Variants in ARHGAP19 observed in about 807,000 individuals in gnomAD.
The protein encoded by ARHGAP19 is Rho GTPase activating protein 19, also known as rho GTPase-activating protein 19.
A neutral mutation model predicts 60.9 loss-of-function variants in ARHGAP19; 48 were observed. The ratio of observed to expected loss-of-function variants is 0.79; its 90% CI spans 0.62 to 1.00. The LOEUF is 1.00. Ranked by LOEUF, ARHGAP19 falls within the 50% of genes least tolerant of loss-of-function variation. The probability of loss-of-function intolerance (pLI) is 0.00; values close to 1 mark genes in which losing one functional copy is unlikely to be tolerated. For synonymous variants in ARHGAP19, 209 were observed against 215.5 expected, an observed-to-expected ratio of 0.97 and a Z score of 0.27; for missense variants, 562 against 597.2, an observed-to-expected ratio of 0.94 and a Z score of 0.61.
chr10:97,256,602 G>A (rs747263137), intron 5 of ARHGAP19, 198 bp from the exon 6 acceptor site: 13 of 431,194 alleles, frequency 3.0e-5, no homozygotes, highest in South Asian at 5.4e-5. Flanking sequence ...CTGAAGTGAC[G>A]AGGAAATCCT....
chr10:97,258,653 T>C (rs1173719658), intron 5 of ARHGAP19: 1 of 152,956 alleles, frequency 6.5e-6, no homozygotes, highest in African/African-American at 2.4e-5. Context: ...GAATATGAGC[T>C]ATGTACCTCC....
intron 1 of ARHGAP19, among the ~76,000 whole-genome samples, chr10:97,269,854 A>C (rs1346431377): frequency 6.6e-6 from 1 of 152,138 alleles, no homozygotes. Context: ...TAAAACTTAC[A>C]CTTTTATTAA....
chr10:97,289,674 A>G (rs1192574352), intron 1 of ARHGAP19, among the ~76,000 whole-genome samples: 1 of 151,888 alleles, frequency 6.6e-6, no homozygotes, highest in Non-Finnish European at 1.5e-5. Context: ...GGTTTCTACA[A>G]AAAAACAAAA....
chr10:97,256,341 T>C lies in ARHGAP19; in HGVS notation c.904A>G (p.Lys302Glu). Residue 302 changes from lysine to glutamate, a missense_variant, in exon 6 of 12, where the codon AAA becomes GAA. Transcript: ENST00000358531. ...ACCTTAAAAAGTTTCTGGGAGTGTT[T>C]AATCATAAAAGCCATCCCACTGTTT... The part of the protein sequence containing the change: ...KLNSGMAFMI[K>E]HSQKLFKAPA... The C allele has an allele frequency of 1.2e-6, 2 of 1,614,144 alleles. 1 individual carries two copies. Among genetic ancestry groups the C allele is most frequent in the African/African-American group, 2.7e-5 (2 of 75,070 alleles).
intron 1 of ARHGAP19, among the ~76,000 whole-genome samples, chr10:97,291,186 G>A (rs117946945): frequency 0.013 from 1,934 of 152,180 alleles, 16 homozygotes; most frequent in Non-Finnish European, 0.019. Flanking sequence ...AGCCAGCAAC[G>A]GCCACCCACT....
At position 97,244,015 on chromosome 10, in the gene ARHGAP19, C is replaced by T. The variant is rs778966332; in HGVS notation, c.1138G>A (p.Val380Ile). 33 of 1,613,280 alleles carry T rather than the reference C, an allele frequency of 2.0e-5. No homozygotes were observed. The highest frequency in any genetic ancestry group is 1.3e-5 in the Non-Finnish European group (15 of 1,179,842). ...EEALRELFQH[V>I]HDMPESAKKK... ...TTTGCTGACTCTGGCATATCATGAA[C>T]GTGTTGAAACAGCTCTCTCAGTGCC... is the stretch of plus-strand genomic sequence containing the variant. The change falls in exon 8 of 12, where the codon GTT (valine) becomes ATT (isoleucine). Residue 380 changes from valine to isoleucine, a missense_variant. Val to Ile is a conservative substitution (Grantham distance 29). Coordinates refer to ENST00000358531, the MANE Select transcript of ARHGAP19 (RefSeq NM_032900.6).
At chr10:97,238,211 T>C (rs1184518258) in intron 8 of ARHGAP19, among the ~76,000 whole-genome samples, 2 of 152,150 alleles carry the variant, frequency 1.3e-5, no homozygotes, top group African/African-American at 2.4e-5. Context: ...TTTTGGAGTT[T>C]TTTTATTTTT....
chr10:97,263,334 T>C (rs1163862959), intron 4 of ARHGAP19, 86 bp downstream of exon 4: 1 of 1,342,382 alleles, frequency 7.4e-7, no homozygotes. Context: ...AGTATTTCTG[T>C]GGGTCACAAG....
chr10:97,266,133 A>G lies in ARHGAP19; in HGVS notation c.57-8T>C, dbSNP rs775642352. 9 of 1,612,570 alleles carry G rather than the reference A, an allele frequency of 5.6e-6. No individual in the cohort carries two copies. The African/African-American group carries it at 9.4e-5, about 17-fold the overall frequency. On this transcript the variant is annotated splice_region_variant and splice_polypyrimidine_tract_variant and intron_variant, in intron 1 of 11. Transcript: ENST00000358531. ...AAACTGCAGATGGCATCACTGAAAA[A>G]CACAGAAGAAAATCTTTCGGGACAT...
At position 97,234,080 on chromosome 10, in the gene ARHGAP19, G is replaced by A. The variant is rs185310138; in HGVS notation, c.1284+1137C>T. Among the ~76,000 whole-genome samples, 422 of 150,278 alleles carry A rather than the reference G, an allele frequency of 2.8e-3. 2 individuals carry two copies. The highest frequency in any genetic ancestry group is 8.9e-3 in the African/African-American group (368 of 41,198). On this transcript the variant is annotated intron_variant, in intron 9 of 11. Transcript: ENST00000358531. ...TCAGGAGTTCCAGACCAGCCTGGCC[G>A]ACATGGTGAAACCCCCTCTCTACTA...
chr10:97,251,182 GGA>G (rs1842643085), intron 6 of ARHGAP19, among the ~76,000 whole-genome samples: 2 of 88,696 alleles, frequency 2.3e-5, no homozygotes, highest in Non-Finnish European at 4.5e-5. Flanking sequence ...GAAGGGAAAG[GGA>G]AAGGAAGGGA....
intron 6 of ARHGAP19, among the ~76,000 whole-genome samples, chr10:97,248,794 T>C (rs1030200522): frequency 3.3e-5 from 5 of 152,086 alleles, no homozygotes; most frequent in Non-Finnish European, 7.4e-5. Flanking sequence ...ACCGGCCAAA[T>C]CTGGGATAAT....
At chr10:97,242,128 GA>G (rs1842493842) in intron 8 of ARHGAP19, among the ~76,000 whole-genome samples, 1 of 150,630 alleles carries the variant, frequency 6.6e-6, no homozygotes, top group Admixed American at 6.6e-5. Flanking sequence ...GTGAAAAAAG[GA>G]AAAAATTTTA....
At chr10:97,282,210 C>G (rs560358510) in intron 1 of ARHGAP19, among the ~76,000 whole-genome samples, 1 of 152,256 alleles carries the variant, frequency 6.6e-6, no homozygotes, top group East Asian at 1.9e-4. Context: ...CAAGTCAAAC[C>G]AGGACAAAAA....
Position 97,278,591 on chromosome 10 carries a change from A to C in ARHGAP19, c.57-12466T>G, listed in dbSNP as rs187968465. ...TGGCCTATCATGTCAAAGTGGCATA[A>C]ATTTATCAATCTAGTAATACTAAAA... On this transcript the variant is annotated intron_variant, in intron 1 of 11. Coordinates refer to ENST00000358531, the MANE Select transcript of ARHGAP19 (RefSeq NM_032900.6). Among the ~76,000 whole-genome samples, 9 of 152,308 alleles carry C rather than the reference A, an allele frequency of 5.9e-5. No homozygotes were observed. The East Asian group carries it at 1.7e-3, about 29-fold the overall frequency.
At chr10:97,246,927 C>A (rs1489305852) in intron 6 of ARHGAP19, among the ~76,000 whole-genome samples, 1 of 152,128 alleles carries the variant, frequency 6.6e-6, no homozygotes, top group African/African-American at 2.4e-5. Context: ...CACCTGAAGT[C>A]AGGAGTTCGA....
At chr10:97,288,102 T>G (rs970006096) in intron 1 of ARHGAP19, among the ~76,000 whole-genome samples, 4 of 152,058 alleles carry the variant, frequency 2.6e-5, no homozygotes, top group African/African-American at 9.7e-5. Context: ...TAAAAGAAGT[T>G]AAAGCATTTG....
chr10:97,231,831 A>C (rs2134810771), intron 9 of ARHGAP19, among the ~76,000 whole-genome samples: 1 of 152,202 alleles, frequency 6.6e-6, no homozygotes, highest in East Asian at 1.9e-4. Context: ...CGGGAGTAGC[A>C]TTGCTGGATC....
chr10:97,260,642 T>C (rs1385816137), intron 4 of ARHGAP19, among the ~76,000 whole-genome samples: 1 of 152,036 alleles, frequency 6.6e-6, no homozygotes, highest in African/African-American at 2.4e-5. Context: ...CAATAAAAAA[T>C]GTTGGCAAAG....
Sources: gnomAD v4.1 joint callset for allele counts (sites outside exome capture counted in the v4.1 genomes callset) on GRCh38, gnomAD v4.1.1 for gene constraint, MANE v1.5 for transcripts, NCBI Gene and HGNC (gene_info 2026-07-23, HGNC 2026-07-21) for gene names.